GABRR2: variants seen among roughly 807,000 people sequenced by gnomAD.
GABRR2 encodes the protein gamma-aminobutyric acid receptor subunit rho-2.
GABRR2 carries 36 observed loss-of-function variants against 47.0 expected under a neutral mutation model. The observed-to-expected ratio is 0.77, with a 90% CI of 0.59 to 1.01. GABRR2 has a LOEUF of 1.01. Among genes scored for constraint, GABRR2 ranks in the 50% least tolerant of loss-of-function variants. The pLI is 0.00. For synonymous variants in GABRR2, 204 were observed against 227.5 expected (o/e 0.90, Z 0.93); for missense variants, 587 against 594.6 (o/e 0.99, Z 0.13).
intron 3 of GABRR2, among the ~76,000 whole-genome samples, chr6:89,271,285 G>A (rs1299039768): frequency 1.3e-5 from 2 of 152,152 alleles, no homozygotes; most frequent in Non-Finnish European, 2.9e-5. Flanking sequence ...ACTTGCAGCA[G>A]GAACTGAACA....
chr6:89,256,505 A>G lies in GABRR2; in HGVS notation c.*1165T>C, dbSNP rs955262281. Among the ~76,000 whole-genome samples the G allele has an allele frequency of 6.6e-6, 1 of 152,182 alleles. No homozygotes were observed. The highest frequency in any genetic ancestry group is 2.4e-5 in the African/African-American group (1 of 41,428). On this transcript the variant is annotated 3_prime_UTR_variant, in exon 9 of 9. Transcript: ENST00000402938. Reference sequence around the variant, plus strand: ...AGGGAATTGACAAGAGTTGCTGTGTAGTAAAGGACTAACCTTTACTAGGAA... The same window carrying G: ...AGGGAATTGACAAGAGTTGCTGTGTGGTAAAGGACTAACCTTTACTAGGAA...
intron 2 of GABRR2, among the ~76,000 whole-genome samples, chr6:89,292,793 AT>A (rs1774486149): frequency 1.7e-4 from 2 of 12,038 alleles, no homozygotes; most frequent in Non-Finnish European, 2.6e-4. Context: ...TATACGATAT[AT>A]CGTATATATC....
Position 89,302,900 on chromosome 6 carries a change from G to A in GABRR2, c.114-3035C>T, listed in dbSNP as rs1209046866. On this transcript the variant is annotated intron_variant, in intron 1 of 8. Coordinates refer to ENST00000402938, the MANE Select transcript of GABRR2 (RefSeq NM_002043.5). The stretch of plus-strand genomic sequence containing the variant: ...GCACGGGCATCCAGGAGCTGTTCAA[G>A]CATCTCAGAGCAGTTCACGGACATG... The A allele has an allele frequency of 3.4e-6, 4 of 1,180,076 alleles. No individual in the cohort carries two copies. In the African/African-American group the frequency reaches 4.6e-5, roughly 14 times the overall value. 73.1% of individuals were successfully genotyped at this position (1,180,076 alleles called of 1,614,324 possible). A position where few individuals can be genotyped will look rare whatever the true frequency, so the allele number is the denominator to read the frequency against.
intron 2 of GABRR2, among the ~76,000 whole-genome samples, chr6:89,294,638 G>A (rs1562381502): frequency 6.6e-6 from 1 of 151,858 alleles, no homozygotes; most frequent in African/African-American, 2.4e-5. Flanking sequence ...TTGGGCCCAG[G>A]CTCTACTTTT....
chr6:89,313,611 T>C lies in GABRR2; in HGVS notation c.113+1442A>G, dbSNP rs561597539. Among the ~76,000 whole-genome samples, 8 of 152,170 alleles carry C rather than the reference T, an allele frequency of 5.3e-5. No homozygotes were observed. In the East Asian group the frequency reaches 1.5e-3, roughly 29 times the overall value. ...CTGTTTGCCTTCCGCTGAGTAGGAC[T>C]AGGCTCCAGAGAGAGTAATTATAGG... On this transcript the variant is annotated intron_variant, in intron 1 of 8. Coordinates refer to ENST00000402938, the MANE Select transcript of GABRR2 (RefSeq NM_002043.5).
chr6:89,289,190 C>T (rs1225284525), intron 2 of GABRR2, among the ~76,000 whole-genome samples: 1 of 152,134 alleles, frequency 6.6e-6, no homozygotes, highest in African/African-American at 2.4e-5. Context: ...TGTGCAGGGC[C>T]AGAGAGCATG....
chr6:89,263,121 G>A (rs192324705), intron 8 of GABRR2, among the ~76,000 whole-genome samples: 7 of 152,196 alleles, frequency 4.6e-5, no homozygotes, highest in South Asian at 2.1e-4. Flanking sequence ...CTGCCACCCC[G>A]GAGACAGTAG....
At chr6:89,282,765 C>G (rs1313742707) in intron 2 of GABRR2, among the ~76,000 whole-genome samples, 3 of 152,246 alleles carry the variant, frequency 2.0e-5, no homozygotes, top group Admixed American at 2.0e-4. Context: ...CAAGGTCAAC[C>G]TGCCCAGCTC....
chr6:89,272,366 G>A (rs79711362), intron 2 of GABRR2, among the ~76,000 whole-genome samples: 6 of 152,312 alleles, frequency 3.9e-5, no homozygotes, highest in East Asian at 1.9e-4. Context: ...TCTGGCCTAC[G>A]GCAAGATTTC....
At chr6:89,263,413 T>C (rs529787865) in intron 8 of GABRR2, among the ~76,000 whole-genome samples, 2 of 152,338 alleles carry the variant, frequency 1.3e-5, no homozygotes, top group South Asian at 2.1e-4. Context: ...AAAGTTATAC[T>C]TGGATTTTCT....
rs575165950 is a variant in GABRR2 at position 89,284,659 on chromosome 6, A to T, written c.221-12937T>A. ...TCTAGAACCCAGGAAGTGCAAGAGA[A>T]TGGATGCTGCCTAGAACCTCCAGAA... On this transcript the variant is annotated intron_variant, in intron 2 of 8. Coordinates refer to ENST00000402938, the MANE Select transcript of GABRR2 (RefSeq NM_002043.5). Among the ~76,000 whole-genome samples the T allele has an allele frequency of 9.8e-5, 15 of 152,322 alleles. 1 individual carries two copies. In the South Asian group the frequency reaches 3.1e-3, roughly 32 times the overall value.
At chr6:89,267,587 C>T in intron 6 of GABRR2, 92 bp downstream of exon 6, 4 of 1,222,222 alleles carry the variant, frequency 3.3e-6, no homozygotes, top group Non-Finnish European at 4.4e-6. Context: ...ACAAAACACA[C>T]ACAAAACATA....
chr6:89,294,348 G>T (rs1260319597), intron 2 of GABRR2, among the ~76,000 whole-genome samples: 1 of 152,122 alleles, frequency 6.6e-6, no homozygotes, highest in Non-Finnish European at 1.5e-5. Context: ...TTTTCACCAT[G>T]TTGACCAGGT....
At chr6:89,274,553 C>A (rs1317704209) in intron 2 of GABRR2, among the ~76,000 whole-genome samples, 2 of 152,052 alleles carry the variant, frequency 1.3e-5, no homozygotes, top group Non-Finnish European at 2.9e-5. Flanking sequence ...CTTAACACTG[C>A]TGTAGGGTTT....
In GABRR2 at chr6:89,267,810, G is replaced by A. The variant is rs1467558328; in HGVS notation, c.605C>T (p.Thr202Ile). Residue 202 changes from threonine to isoleucine, a missense_variant, in exon 6 of 9, where the codon ACA becomes ATA. Transcript: ENST00000402938. ...CCAGTACAGCATTAGATCTTCATCT[G>A]TATAGGCATCTTTGGGAAGAGGAAA... ...CSLELESYAY[T>I]DEDLMLYWKN... is the part of the protein sequence containing the mutation. The A allele has an allele frequency of 3.7e-6, 6 of 1,610,714 alleles. No homozygotes were observed. The East Asian group carries it at 1.3e-4, about 36-fold the overall frequency.
chr6:89,279,222 TTG>T lies in GABRR2; in HGVS notation c.221-7502_221-7501del, dbSNP rs149316837. ...CCCACAGCTGCTCCTGACAGTTTGC[TTG>T]TGTTTGTGCTCTGTTATCCACCATC... On this transcript the variant is annotated intron_variant, in intron 2 of 8. Transcript: ENST00000402938. Among the ~76,000 whole-genome samples the T allele has an allele frequency of 2.2e-3, 334 of 152,300 alleles. 1 individual carries two copies. The highest frequency in any genetic ancestry group is 7.7e-3 in the African/African-American group (322 of 41,566).
chr6:89,303,014 T>C, intron 1 of GABRR2: 1 of 1,270,906 alleles, frequency 7.9e-7, no homozygotes. Context: ...ATGAATGACC[T>C]GGTGTCCGAG....
At chr6:89,310,428 T>C (rs939983529) in intron 1 of GABRR2, among the ~76,000 whole-genome samples, 14 of 152,134 alleles carry the variant, frequency 9.2e-5, no homozygotes, top group African/African-American at 2.9e-4. Flanking sequence ...GCTTCTCCAC[T>C]GCAGCATCCC....
chr6:89,310,098 G>A (rs528468422), intron 1 of GABRR2, among the ~76,000 whole-genome samples: 5 of 151,996 alleles, frequency 3.3e-5, no homozygotes, highest in African/African-American at 9.6e-5. Context: ...TTGGACAAAT[G>A]TATAATGATG....
Sources: allele counts gnomAD v4.1 joint callset (sites outside exome capture counted in the v4.1 genomes callset), GRCh38; gene constraint gnomAD v4.1.1; transcripts MANE v1.5; gene names NCBI Gene and HGNC (gene_info 2026-07-23, HGNC 2026-07-21).